The following CACNA2D3 variants were observed in gnomAD, a reference collection of about 807,000 sequenced individuals.
CACNA2D3 encodes voltage-dependent calcium channel subunit alpha-2/delta-3.
Under a neutral mutation model 160.6 loss-of-function variants are expected in CACNA2D3, and 60 were observed. The observed-to-expected ratio is 0.37, with a 90% CI of 0.30 to 0.46. CACNA2D3 has a LOEUF of 0.46. CACNA2D3 is among the 20% of genes least tolerant of loss of function. The pLI is 1.00. For missense variants in CACNA2D3, 1,205 were observed against 1,365.0 expected, an observed-to-expected ratio of 0.88 and a Z score of 1.85; for synonymous variants, 558 against 492.9, an observed-to-expected ratio of 1.13 and a Z score of -1.75.
chr3:54,137,108 A>G (rs1316925860), intron 2 of CACNA2D3, among the ~76,000 whole-genome samples: 2 of 152,140 alleles, frequency 1.3e-5, no homozygotes, highest in African/African-American at 4.8e-5. Context: ...CCTGGGCCAG[A>G]GGCTGGAGCT....
At chr3:54,736,016 T>TACACACACACACACACACAC (rs1283143287) in intron 11 of CACNA2D3, among the ~76,000 whole-genome samples, 1 of 86,676 alleles carries the variant, frequency 1.2e-5, no homozygotes, top group African/African-American at 4.7e-5. Flanking sequence ...TGTATATATA[T>TACACACACACACACACACAC]ACACATACAT....
chr3:54,132,112 A>G (rs762988682), intron 2 of CACNA2D3, among the ~76,000 whole-genome samples: 2 of 152,340 alleles, frequency 1.3e-5, no homozygotes, highest in Admixed American at 6.5e-5. Flanking sequence ...TGTTAGTGCA[A>G]TATGACTGCG....
At chr3:54,821,636 C>CG (rs1182165875) in intron 14 of CACNA2D3, among the ~76,000 whole-genome samples, 2 of 146,008 alleles carry the variant, frequency 1.4e-5, no homozygotes, top group Admixed American at 6.9e-5. Context: ...TTTCTAGAGT[C>CG]TTTCGTTCTT....
At chr3:54,820,153 A>G (rs1225874980) in intron 14 of CACNA2D3, among the ~76,000 whole-genome samples, 2 of 152,118 alleles carry the variant, frequency 1.3e-5, no homozygotes, top group East Asian at 3.9e-4. Context: ...ACGTTGTACC[A>G]TATGGTGTCT....
At chr3:54,292,373 A>G (rs1575375241) in intron 2 of CACNA2D3, among the ~76,000 whole-genome samples, 2 of 152,336 alleles carry the variant, frequency 1.3e-5, no homozygotes, top group East Asian at 1.9e-4. Context: ...CAAGAACACT[A>G]TCAAGAAAGT....
At chr3:54,614,767 A>T (rs1281170790) in intron 9 of CACNA2D3, among the ~76,000 whole-genome samples, 1 of 152,190 alleles carries the variant, frequency 6.6e-6, no homozygotes, top group East Asian at 1.9e-4. Flanking sequence ...GGAAGCTATC[A>T]ACTACTGTAT....
intron 17 of CACNA2D3, among the ~76,000 whole-genome samples, chr3:54,854,580 G>T (rs1054820450): frequency 1.3e-5 from 2 of 151,976 alleles, no homozygotes; most frequent in African/African-American, 2.4e-5. Context: ...GCCAGGCGCC[G>T]CAGCACCCAG....
intron 4 of CACNA2D3, among the ~76,000 whole-genome samples, chr3:54,475,802 T>C (rs74426676): frequency 0.15 from 22,519 of 147,240 alleles, 1,913 homozygotes; most frequent in South Asian, 0.26. Flanking sequence ...TCTCACATGG[T>C]TACCATTTGT....
At chr3:54,614,112 C>G (rs1175426778) in intron 9 of CACNA2D3, among the ~76,000 whole-genome samples, 2 of 152,126 alleles carry the variant, frequency 1.3e-5, no homozygotes, top group Non-Finnish European at 2.9e-5. Context: ...CATTTGATGA[C>G]TCAATGAATG....
intron 4 of CACNA2D3, among the ~76,000 whole-genome samples, chr3:54,463,313 A>G (rs1700543746): frequency 6.6e-6 from 1 of 152,112 alleles, no homozygotes; most frequent in African/African-American, 2.4e-5. Flanking sequence ...CTGAATCTGA[A>G]TGTTGGCTTG....
chr3:54,857,707 A>C (rs2106794428), intron 17 of CACNA2D3, among the ~76,000 whole-genome samples: 1 of 152,340 alleles, frequency 6.6e-6, no homozygotes, highest in East Asian at 1.9e-4. Context: ...TCAAGCCAAG[A>C]CACCAGCAGG....
intron 2 of CACNA2D3, among the ~76,000 whole-genome samples, chr3:54,182,479 A>T (rs558530215): frequency 7.7e-4 from 118 of 152,282 alleles, no homozygotes; most frequent in African/African-American, 2.7e-3. Context: ...ATTCCTTCCT[A>T]TTGGGCAGAT....
At chr3:54,485,897 C>T (rs531113353) in intron 4 of CACNA2D3, among the ~76,000 whole-genome samples, 21 of 152,200 alleles carry the variant, frequency 1.4e-4, no homozygotes, top group Admixed American at 1.0e-3. Context: ...CTAACAGTGA[C>T]CCCCCAACAG....
chr3:54,878,129 A>G (rs1023048721), intron 18 of CACNA2D3, among the ~76,000 whole-genome samples: 2 of 152,110 alleles, frequency 1.3e-5, no homozygotes, highest in African/African-American at 4.8e-5. Context: ...GTTGCTTGCT[A>G]GTGTTGCAGT....
intron 2 of CACNA2D3, among the ~76,000 whole-genome samples, chr3:54,285,101 G>T (rs997534860): frequency 6.6e-6 from 1 of 152,182 alleles, no homozygotes; most frequent in South Asian, 2.1e-4. Flanking sequence ...TGGGTGCAGC[G>T]CACCGTGCGC....
At chr3:54,684,013 C>T (rs1477311358) in intron 11 of CACNA2D3, among the ~76,000 whole-genome samples, 7 of 144,562 alleles carry the variant, frequency 4.8e-5, no homozygotes, top group Non-Finnish European at 8.9e-5. Context: ...TCATGTAGCC[C>T]AAGCTGGAGT....
chr3:54,123,435 A>G (rs1291727983), intron 1 of CACNA2D3, 78 bp from the exon 2 acceptor site: 1 of 931,284 alleles, frequency 1.1e-6, no homozygotes, highest in Admixed American at 1.7e-5. Flanking sequence ...CCATAGTCCC[A>G]TGTGTGCGTG....
intron 3 of CACNA2D3, among the ~76,000 whole-genome samples, chr3:54,351,733 A>G (rs1256878631): frequency 1.3e-5 from 2 of 152,178 alleles, no homozygotes; most frequent in East Asian, 1.9e-4. Context: ...ACCACCCTAT[A>G]TAATAGCAGG....
At chr3:54,951,839 G>C (rs1183202054) in intron 27 of CACNA2D3, among the ~76,000 whole-genome samples, 1 of 152,164 alleles carries the variant, frequency 6.6e-6, no homozygotes, top group Non-Finnish European at 1.5e-5. Context: ...CTTAGGACCA[G>C]CCATGCTTGT....
Sources: allele counts gnomAD v4.1 joint callset (sites outside exome capture counted in the v4.1 genomes callset), GRCh38; gene constraint gnomAD v4.1.1; transcripts MANE v1.5; gene names NCBI Gene and HGNC (gene_info 2026-07-23, HGNC 2026-07-21).